KLHDC4: variants seen among roughly 807,000 people sequenced by gnomAD.
KLHDC4 encodes the protein kelch domain containing 4.
In KLHDC4, 90 loss-of-function variants were observed where a neutral mutation model predicts 62.4. That is an observed-to-expected ratio of 1.44 (90% CI 1.22 to 1.72). The LOEUF (loss-of-function observed/expected upper bound fraction) is 1.72. Among genes scored for constraint, KLHDC4 ranks in the 40% most tolerant of loss-of-function variants. The pLI, the probability that KLHDC4 is intolerant of heterozygous loss-of-function variation, is 0.00. For synonymous variants in KLHDC4, 386 were observed against 284.4 expected (o/e 1.36, Z -3.59); for missense variants, 1,025 against 699.7 (o/e 1.47, Z -5.25).
intron 5 of KLHDC4, among the ~76,000 whole-genome samples, chr16:87,734,975 TCCCCCTCCTGACGAATTGCCTGAC>T (rs2041042586): frequency 1.2e-4 from 1 of 8,414 alleles, no homozygotes; most frequent in Non-Finnish European, 2.5e-4. Context: ...CTGACGCCCC[TCCCCCTCCTGACGAATTGCCTGAC>T]GCCCCTCCCC....
At chr16:87,707,371 C>G (rs987633256), downstream of KLHDC4, among the ~76,000 whole-genome samples, 1 of 152,242 alleles carries the variant, frequency 6.6e-6, no homozygotes, top group Admixed American at 6.5e-5. Context: ...GGGACAGGGA[C>G]AGGGATGGTC....
intron 5 of KLHDC4, among the ~76,000 whole-genome samples, chr16:87,735,134 C>A (rs1256545385): frequency 6.6e-6 from 1 of 151,358 alleles, no homozygotes; most frequent in African/African-American, 2.4e-5. Flanking sequence ...CCCGTCTCTA[C>A]TAAAAATACA....
chr16:87,765,072 G>A (rs2046433616), intron 1 of KLHDC4: 1 of 455,166 alleles, frequency 2.2e-6, no homozygotes, highest in South Asian at 1.6e-5. Context: ...TGACCTGCTC[G>A]TGAGGAGTAA....
chr16:87,720,408 G>A (rs979955260), intron 7 of KLHDC4, among the ~76,000 whole-genome samples: 7 of 152,154 alleles, frequency 4.6e-5, no homozygotes, highest in Non-Finnish European at 8.8e-5. Flanking sequence ...CCAGGCGCCC[G>A]AAGACGACTC....
chr16:87,756,912 C>T (rs1282140649), intron 2 of KLHDC4, among the ~76,000 whole-genome samples: 4 of 151,908 alleles, frequency 2.6e-5, no homozygotes, highest in African/African-American at 9.7e-5. Flanking sequence ...CTCCTGGGTT[C>T]AAGCAATTCT....
intron 4 of KLHDC4, among the ~76,000 whole-genome samples, chr16:87,749,203 T>C (rs1006146255): frequency 6.6e-6 from 1 of 151,852 alleles, no homozygotes; most frequent in Non-Finnish European, 1.5e-5. Context: ...CGTTAATCCC[T>C]CTCCTTGCTA....
chr16:87,709,759 G>A, intron 9 of KLHDC4, 92 bp from the exon 10 acceptor site: 1 of 1,399,510 alleles, frequency 7.1e-7, no homozygotes, highest in Non-Finnish European at 9.5e-7. Flanking sequence ...GGGTTTGCGG[G>A]GACCACCCAC....
At chr16:87,746,385 AAGAGAC>A (rs1359151797) in intron 5 of KLHDC4, among the ~76,000 whole-genome samples, 2 of 151,952 alleles carry the variant, frequency 1.3e-5, no homozygotes, top group Non-Finnish European at 2.9e-5. Flanking sequence ...GAAAGAGAGA[AAGAGAC>A]AGAGAGAGAA....
chr16:87,702,638 G>GT (rs2034201370), upstream of KLHDC4: 1 of 231,854 alleles, frequency 4.3e-6, no homozygotes, highest in African/African-American at 2.2e-5. Flanking sequence ...GCCCGGCGGA[G>GT]AAAAAAACCA....
intron 7 of KLHDC4, among the ~76,000 whole-genome samples, chr16:87,717,048 G>T (rs189339885): frequency 7.2e-4 from 109 of 152,280 alleles, no homozygotes; most frequent in African/African-American, 2.6e-3. Context: ...CCTGGGCAAT[G>T]GCAAAAACCC....
upstream of KLHDC4, among the ~76,000 whole-genome samples, chr16:87,702,750 G>GA (rs2034209034): frequency 6.6e-6 from 1 of 152,238 alleles, no homozygotes; most frequent in Admixed American, 6.5e-5. Flanking sequence ...ACTCGGACAG[G>GA]AAACAGTGTT....
At chr16:87,705,744 G>A (rs974455650), downstream of KLHDC4, among the ~76,000 whole-genome samples, 16 of 152,138 alleles carry the variant, frequency 1.1e-4, no homozygotes, top group Non-Finnish European at 2.9e-5. Context: ...ACACAATGGC[G>A]TCCATCTTCT....
chr16:87,725,787 G>A (rs1308148441), intron 7 of KLHDC4, among the ~76,000 whole-genome samples: 1 of 152,064 alleles, frequency 6.6e-6, no homozygotes, highest in Non-Finnish European at 1.5e-5. Flanking sequence ...TACACGTGCA[G>A]AGCACACGCC....
intron 6 of KLHDC4, among the ~76,000 whole-genome samples, chr16:87,727,184 A>AAGTCT (rs1278655619): frequency 4.8e-4 from 73 of 152,030 alleles, no homozygotes; most frequent in African/African-American, 1.8e-3. Flanking sequence ...CAACATTTTC[A>AAGTCT]CCTGTTTAAT....
At chr16:87,708,221 C>G in intron 11 of KLHDC4, 129 bp downstream of exon 11, 1 of 663,424 alleles carries the variant, frequency 1.5e-6, no homozygotes, top group Non-Finnish European at 2.6e-6. Context: ...GCAAGCTGCC[C>G]AAATTACTCC....
chr16:87,725,511 G>C (rs62055580), intron 7 of KLHDC4, among the ~76,000 whole-genome samples: 1 of 152,124 alleles, frequency 6.6e-6, no homozygotes, highest in Non-Finnish European at 1.5e-5. Context: ...GAGTATACAG[G>C]TGTTCCCCGT....
rs1486621925 is a variant in KLHDC4, at chr16:87,736,776, ATT to A, written c.507-6134_507-6133del. On this transcript the variant is annotated intron_variant, in intron 5 of 11. Transcript: ENST00000270583. ...TGCCAGGCACAGTCCTTTTATGTGC[ATT>A]TATCCTCACAGCAAACTCGTGGTGC... is the stretch of plus-strand genomic sequence containing the variant. Among the ~76,000 whole-genome samples the A allele has an allele frequency of 2.6e-5, 4 of 152,272 alleles. No individual in the cohort carries two copies. In the East Asian group the frequency reaches 7.7e-4, roughly 29 times the overall value.
chr16:87,745,228 A>G (rs1236057620), intron 5 of KLHDC4, among the ~76,000 whole-genome samples: 1 of 151,988 alleles, frequency 6.6e-6, no homozygotes, highest in Non-Finnish European at 1.5e-5. Context: ...CACTGCTCTC[A>G]CAACACCCGC....
Position 87,711,353 on chromosome 16 carries a change from G to A in KLHDC4, c.926C>T (p.Thr309Ile). ...GTCACAGACACCCCCGAAGAACAGT[G>A]TCTGGTGATTCGGGGCCATGGCCAC... is the stretch of plus-strand genomic sequence containing the variant. Reference protein sequence around the residue: ...FSVAMAPNHQTLFFGGVCDEE... With the variant: ...FSVAMAPNHQILFFGGVCDEE... The change falls in exon 9 of 12, where the codon ACA (threonine) becomes ATA (isoleucine). Residue 309 changes from threonine (T) to isoleucine (I), a missense_variant. Physicochemically the swap from Thr to Ile is moderately conservative, Grantham distance 89. Transcript: ENST00000270583. The A allele has an allele frequency of 6.2e-7, 1 of 1,613,990 alleles. No individual in the cohort carries two copies. Among genetic ancestry groups the A allele is most frequent in the Non-Finnish European group, 8.5e-7 (1 of 1,180,026 alleles).
Sources: allele counts gnomAD v4.1 joint callset (sites outside exome capture counted in the v4.1 genomes callset), GRCh38; gene constraint gnomAD v4.1.1; transcripts MANE v1.5; gene names NCBI Gene and HGNC (gene_info 2026-07-23, HGNC 2026-07-21).